Variants in SDC2 observed in about 807,000 individuals in gnomAD.
SDC2 encodes syndecan 2.
SDC2 carries 13 observed loss-of-function variants against 22.2 expected under a neutral mutation model. The observed-to-expected ratio is 0.59, with a 90% CI of 0.38 to 0.93. The LOEUF (loss-of-function observed/expected upper bound fraction) is 0.93, where lower values mean the gene tolerates loss of function less well. SDC2 is among the 40% of genes least tolerant of loss of function. The probability of loss-of-function intolerance (pLI) is 0.00; values close to 1 mark genes in which losing one functional copy is unlikely to be tolerated. For synonymous variants in SDC2, 94 were observed against 92.8 expected, an observed-to-expected ratio of 1.01 and a Z score of -0.07; for missense variants, 235 against 246.8, an observed-to-expected ratio of 0.95 and a Z score of 0.32.
intron 1 of SDC2, among the ~76,000 whole-genome samples, chr8:96,579,599 T>C (rs2130602128): frequency 6.6e-6 from 1 of 152,360 alleles, no homozygotes; most frequent in Middle Eastern, 3.4e-3. Flanking sequence ...GAAAATAGTA[T>C]ATTATCTTGC....
intron 1 of SDC2, among the ~76,000 whole-genome samples, chr8:96,576,393 T>TTTTTA (rs1202962295): frequency 1.1e-5 from 1 of 91,754 alleles, no homozygotes; most frequent in African/African-American, 4.4e-5. Context: ...TGTTTTTTTT[T>TTTTTA]ACCAGATTTG....
Position 96,493,891 on chromosome 8 carries a change from C to G in SDC2, c.-381C>G, listed in dbSNP as rs1033202041. On this transcript the variant is annotated 5_prime_UTR_variant, in exon 1 of 5. Transcript: ENST00000302190. ...CTAAACTTCTGCCGTAGCTCCCTTT[C>G]AAGCCAGCGAATTTATTCCTTAAAA... 3 of 214,072 alleles carry G rather than the reference C, an allele frequency of 1.4e-5. No homozygotes were observed. Among genetic ancestry groups the G allele is most frequent in the African/African-American group, 6.9e-5 (3 of 43,326 alleles). 13.3% of individuals were successfully genotyped at this position (214,072 alleles called of 1,614,324 possible). A position where few individuals can be genotyped will look rare whatever the true frequency, so the allele number is the denominator to read the frequency against.
intron 1 of SDC2, among the ~76,000 whole-genome samples, chr8:96,532,412 G>GTATTTTT (rs1554601020): frequency 6.3e-5 from 3 of 47,946 alleles, no homozygotes; most frequent in African/African-American, 3.1e-4. Flanking sequence ...TTATTGAGGC[G>GTATTTTT]TTTTTTTTTT....
chr8:96,553,921 C>T (rs1375117544), intron 1 of SDC2, among the ~76,000 whole-genome samples: 1 of 151,936 alleles, frequency 6.6e-6, no homozygotes, highest in Non-Finnish European at 1.5e-5. Context: ...TTTAGGCATG[C>T]CATGCCCAAC....
chr8:96,586,950 T>C (rs562907911), intron 1 of SDC2, among the ~76,000 whole-genome samples: 43 of 152,172 alleles, frequency 2.8e-4, no homozygotes, highest in African/African-American at 1.0e-3. Flanking sequence ...TGAGATGGAG[T>C]CTGGCTCTGT....
chr8:96,597,379 C>T (rs1246983002), intron 2 of SDC2, among the ~76,000 whole-genome samples: 1 of 152,124 alleles, frequency 6.6e-6, no homozygotes, highest in Non-Finnish European at 1.5e-5. Flanking sequence ...AATAAAACTT[C>T]AATGAGAAAT....
chr8:96,494,188 G>A lies in SDC2; in HGVS notation c.-84G>A. The A allele has an allele frequency of 7.2e-7, 1 of 1,392,206 alleles. No individual in the cohort carries two copies. 86.2% of individuals were successfully genotyped at this position (1,392,206 alleles called of 1,614,324 possible). On this transcript the variant is annotated 5_prime_UTR_variant, in exon 1 of 5. Transcript: ENST00000302190. Reference sequence around the variant, plus strand: ...GGTACTCTGCTCCGGATTCGTGTGCGCGGGCTGCGCCGAGCGCTGGGCAGG... The same window carrying A: ...GGTACTCTGCTCCGGATTCGTGTGCACGGGCTGCGCCGAGCGCTGGGCAGG...
At chr8:96,589,183 C>A (rs545167669) in intron 1 of SDC2, among the ~76,000 whole-genome samples, 1 of 152,284 alleles carries the variant, frequency 6.6e-6, no homozygotes, top group South Asian at 2.1e-4. Context: ...AAATCACCAT[C>A]GCTGTCCTCA....
intron 1 of SDC2, among the ~76,000 whole-genome samples, chr8:96,494,835 A>G (rs139103987): frequency 4.1e-4 from 62 of 152,344 alleles, no homozygotes; most frequent in Non-Finnish European, 8.1e-4. Flanking sequence ...GATGGGGGCC[A>G]GATTTAAGAG....
At position 96,557,632 on chromosome 8, in the gene SDC2, G is replaced by C. The variant is rs1814139389; in HGVS notation, c.61-35848G>C. Among the ~76,000 whole-genome samples the C allele has an allele frequency of 2.6e-5, 4 of 151,998 alleles. No individual in the cohort carries two copies. In the South Asian group the frequency reaches 8.3e-4, roughly 32 times the overall value. On this transcript the variant is annotated intron_variant, in intron 1 of 4. Transcript: ENST00000302190. The stretch of plus-strand genomic sequence containing the variant: ...ACACTCTGGGGACTGTGGTGGGGTG[G>C]GGGGAGTGGGGAGGGTTAGCACTGG...
intron 1 of SDC2, among the ~76,000 whole-genome samples, chr8:96,512,509 A>T (rs938444233): frequency 7.2e-5 from 11 of 152,172 alleles, no homozygotes; most frequent in African/African-American, 2.4e-4. Flanking sequence ...GGTTCCCCCA[A>T]AGAGAACTGT....
intron 1 of SDC2, among the ~76,000 whole-genome samples, chr8:96,525,175 C>T (rs999689116): frequency 3.3e-5 from 5 of 152,280 alleles, no homozygotes; most frequent in African/African-American, 1.2e-4. Flanking sequence ...CAAGGCTGTC[C>T]GTTCCCACTC....
intron 1 of SDC2, among the ~76,000 whole-genome samples, chr8:96,589,414 GTTGT>G (rs1814740573): frequency 7.3e-6 from 1 of 136,266 alleles, no homozygotes; most frequent in African/African-American, 2.7e-5. Flanking sequence ...TTGTTTGTTT[GTTGT>G]TTGTTTTTTG....
intron 3 of SDC2, 51 bp from the exon 4 acceptor site, chr8:96,608,284 T>G: frequency 6.4e-7 from 1 of 1,572,412 alleles, no homozygotes; most frequent in Non-Finnish European, 8.6e-7. Flanking sequence ...ATTTCTTCTT[T>G]CCAACACATT....
At chr8:96,558,077 T>G (rs1017215758) in intron 1 of SDC2, among the ~76,000 whole-genome samples, 1 of 152,088 alleles carries the variant, frequency 6.6e-6, no homozygotes, top group African/African-American at 2.4e-5. Flanking sequence ...GAAACCTGTC[T>G]GAGAGAAGGA....
At chr8:96,529,519 A>G (rs900511017) in intron 1 of SDC2, among the ~76,000 whole-genome samples, 2 of 152,202 alleles carry the variant, frequency 1.3e-5, no homozygotes, top group African/African-American at 2.4e-5. Context: ...TAAGAATCTA[A>G]CAAAAATAAA....
chr8:96,590,214 T>G (rs144537308), intron 1 of SDC2, among the ~76,000 whole-genome samples: 56 of 152,338 alleles, frequency 3.7e-4, no homozygotes, highest in African/African-American at 1.3e-3. Context: ...TCTCCCAGCT[T>G]GTACTCTGGA....
At chr8:96,543,818 TC>T (rs778086709) in intron 1 of SDC2, among the ~76,000 whole-genome samples, 2 of 152,224 alleles carry the variant, frequency 1.3e-5, no homozygotes, top group Non-Finnish European at 2.9e-5. Flanking sequence ...AAGTGCGTGT[TC>T]CTTGTGTACT....
chr8:96,596,732 T>C (rs1814883599), intron 2 of SDC2, among the ~76,000 whole-genome samples: 1 of 152,142 alleles, frequency 6.6e-6, no homozygotes, highest in Non-Finnish European at 1.5e-5. Context: ...TGCAACTAAA[T>C]TGACGATAAA....
Sources: gnomAD v4.1 joint callset for allele counts (sites outside exome capture counted in the v4.1 genomes callset) on GRCh38, gnomAD v4.1.1 for gene constraint, MANE v1.5 for transcripts, NCBI Gene and HGNC (gene_info 2026-07-23, HGNC 2026-07-21) for gene names.